Variants in DAAM1 observed in about 807,000 individuals in gnomAD.
DAAM1 encodes the protein dishevelled associated activator of morphogenesis 1, also known as disheveled-associated activator of morphogenesis 1.
A neutral mutation model predicts 130.0 loss-of-function variants in DAAM1; 52 were observed. The observed-to-expected ratio is 0.40, with a 90% confidence interval of 0.32 to 0.50. The LOEUF is 0.50. Among genes scored for constraint, DAAM1 ranks in the 20% least tolerant of loss-of-function variants. The pLI is 0.61. For synonymous variants in DAAM1, 452 were observed against 444.5 expected (o/e 1.02, Z -0.21); for missense variants, 1,134 against 1,303.8 (o/e 0.87, Z 2.01).
intron 3 of DAAM1, among the ~76,000 whole-genome samples, chr14:59,306,368 A>G (rs1435510560): frequency 6.6e-6 from 1 of 152,184 alleles, no homozygotes; most frequent in East Asian, 1.9e-4. Context: ...TATTTGTTAG[A>G]TGAGTAAAGG....
chr14:59,189,490 G>C (rs1460019550), intron 1 of DAAM1, among the ~76,000 whole-genome samples: 1 of 152,152 alleles, frequency 6.6e-6, no homozygotes, highest in East Asian at 1.9e-4. Context: ...TTTGCCGCCC[G>C]TCCCTCTCGG....
intron 3 of DAAM1, among the ~76,000 whole-genome samples, chr14:59,300,599 A>C (rs1002556110): frequency 2.0e-5 from 3 of 152,228 alleles, no homozygotes; most frequent in Non-Finnish European, 4.4e-5. Flanking sequence ...ACAGAATATA[A>C]TAAATACCCA....
At chr14:59,246,938 TATTA>T (rs1238281785) in intron 1 of DAAM1, among the ~76,000 whole-genome samples, 2 of 152,194 alleles carry the variant, frequency 1.3e-5, no homozygotes, top group African/African-American at 2.4e-5. Context: ...GGGTTCTGGA[TATTA>T]ATTCCTTAGC....
chr14:59,352,574 C>T lies in DAAM1; in HGVS notation c.2209C>T (p.His737Tyr), dbSNP rs1886328638. 1.2e-6 allele frequency: 2 copies of T among 1,613,604 alleles called. No individual in the cohort carries two copies. Among genetic ancestry groups the T allele is most frequent in the Non-Finnish European group, 1.7e-6 (2 of 1,179,804 alleles). ...EKSDIDLLEE[H>Y]KHELDRMAKA... ...AAGTGACATTGACCTATTGGAGGAA[C>T]ATAAACACGAACTGGATCGGATGGC... is the stretch of plus-strand genomic sequence containing the variant. The change falls in exon 18 of 25, where the codon CAT becomes TAT. Residue 737 changes from histidine to tyrosine, a missense_variant. This residue lies in a region of DAAM1 where 644 missense variants were observed against 695.9 expected (regional missense o/e 0.93). Transcript: ENST00000360909.
rs537573423 is a variant in DAAM1 at position 59,358,580 on chromosome 14, C to T, written c.2526-817C>T. Among the ~76,000 whole-genome samples the T allele has an allele frequency of 6.6e-4, 101 of 152,258 alleles. 4 individuals are homozygous for T. The South Asian group carries it at 0.021, about 31-fold the overall frequency. On this transcript the variant is annotated intron_variant, in intron 20 of 24. Coordinates refer to ENST00000360909, the MANE Select transcript of DAAM1 (RefSeq NM_001270520.2). ...TCAGTAGGCCAGACACGGTGGCTCACACCTATAATCCCAGCACTTTGGGAG... is the reference window on the plus strand; with the variant it reads ...TCAGTAGGCCAGACACGGTGGCTCATACCTATAATCCCAGCACTTTGGGAG...
At chr14:59,313,233 G>A (rs186598883) in intron 3 of DAAM1, among the ~76,000 whole-genome samples, 1 of 152,228 alleles carries the variant, frequency 6.6e-6, no homozygotes, top group Admixed American at 6.5e-5. Context: ...CTGCATGCAG[G>A]GACCAGTATT....
In DAAM1 at chr14:59,263,427, T is replaced by C. The variant is rs1882271242; in HGVS notation, c.-37-14T>C. The C allele has an allele frequency of 6.2e-7, 1 of 1,605,582 alleles. No individual in the cohort carries two copies. Among genetic ancestry groups the C allele is most frequent in the African/African-American group, 1.3e-5 (1 of 74,788 alleles). On this transcript the variant is annotated splice_polypyrimidine_tract_variant and intron_variant, in intron 1 of 24. Coordinates refer to ENST00000360909, the MANE Select transcript of DAAM1 (RefSeq NM_001270520.2). ...TTCCTGTACTCTTAACCATGTCATA[T>C]CCTCTTTTTGCAGCGTTTAGTCACA...
At chr14:59,211,703 A>G (rs769165667) in intron 1 of DAAM1, among the ~76,000 whole-genome samples, 4 of 152,210 alleles carry the variant, frequency 2.6e-5, no homozygotes, top group Admixed American at 1.3e-4. Flanking sequence ...CTCACATTCT[A>G]TGAATAAATA....
At chr14:59,285,991 A>G (rs779532604) in intron 2 of DAAM1, among the ~76,000 whole-genome samples, 2 of 152,162 alleles carry the variant, frequency 1.3e-5, no homozygotes, top group Non-Finnish European at 2.9e-5. Flanking sequence ...CTCACATGGC[A>G]CATACTCTAA....
chr14:59,263,462 A>G lies in DAAM1; in HGVS notation c.-16A>G. 1 of 1,614,106 alleles carries G rather than the reference A, an allele frequency of 6.2e-7. No individual in the cohort carries two copies. Among genetic ancestry groups the G allele is most frequent in the Non-Finnish European group, 8.5e-7 (1 of 1,179,924 alleles). ...GCAGCGTTTAGTCACATCAAGAAAT[A>G]GAACAGAATTCAGCCATGGCCCCAA... On this transcript the variant is annotated 5_prime_UTR_variant, in exon 2 of 25. It adds an upstream start codon to the 5' untranslated region. Transcript: ENST00000360909.
intron 2 of DAAM1, among the ~76,000 whole-genome samples, chr14:59,284,011 C>A (rs926956908): frequency 6.6e-6 from 1 of 152,188 alleles, no homozygotes; most frequent in African/African-American, 2.4e-5. Flanking sequence ...TGGGAACTTA[C>A]TGAAAATGCA....
Position 59,353,881 on chromosome 14 carries a change from A to G in DAAM1, c.2273A>G (p.Asn758Ser). 1 of 1,613,948 alleles carries G rather than the reference A, an allele frequency of 6.2e-7. No individual in the cohort carries two copies. ...GTACATGTTTGCTCTTACAGAATTA[A>G]TCACTATCAGCAAAGGTTGCAATCG... ...DRFLFEMSRINHYQQRLQSLY... is the reference protein window; with the variant it reads ...DRFLFEMSRISHYQQRLQSLY... The change falls in exon 19 of 25, where the codon AAT becomes AGT. Residue 758 changes from asparagine to serine, a missense_variant. This residue lies in a region of DAAM1 where 644 missense variants were observed against 695.9 expected (regional missense o/e 0.93). Coordinates refer to ENST00000360909, the MANE Select transcript of DAAM1 (RefSeq NM_001270520.2).
intron 1 of DAAM1, among the ~76,000 whole-genome samples, chr14:59,260,871 G>A (rs1882128487): frequency 6.6e-6 from 1 of 152,180 alleles, no homozygotes; most frequent in Non-Finnish European, 1.5e-5. Flanking sequence ...GAGCGAGAAG[G>A]AATGAGTAGT....
chr14:59,282,186 A>G (rs1268643421), intron 2 of DAAM1, among the ~76,000 whole-genome samples: 3 of 152,040 alleles, frequency 2.0e-5, no homozygotes, highest in Non-Finnish European at 1.5e-5. Context: ...TTCCCTCATA[A>G]TGGAATTTTC....
At chr14:59,207,854 G>GT (rs1198409763) in intron 1 of DAAM1, among the ~76,000 whole-genome samples, 2 of 152,100 alleles carry the variant, frequency 1.3e-5, no homozygotes, top group East Asian at 1.9e-4. Context: ...TAAATCTTGG[G>GT]TTTTTTCCTG....
intron 24 of DAAM1, 35 bp downstream of exon 24, chr14:59,367,634 T>C (rs769069118): frequency 1.9e-6 from 3 of 1,597,116 alleles, no homozygotes; most frequent in South Asian, 2.3e-5. Context: ...TTCCACCTCC[T>C]AGAAGTTCTA....
chr14:59,348,585 A>G (rs1460444341), intron 17 of DAAM1, among the ~76,000 whole-genome samples: 2 of 152,142 alleles, frequency 1.3e-5, no homozygotes, highest in Non-Finnish European at 1.5e-5. Context: ...AGCCAGGTCT[A>G]CCTAAGGTCA....
At chr14:59,307,068 C>CTAGT (rs1884406259) in intron 3 of DAAM1, among the ~76,000 whole-genome samples, 1 of 152,170 alleles carries the variant, frequency 6.6e-6, no homozygotes, top group Non-Finnish European at 1.5e-5. Flanking sequence ...CCAGGAAGTA[C>CTAGT]TAGTCATGCA....
chr14:59,279,168 C>T (rs1328106618), intron 2 of DAAM1, among the ~76,000 whole-genome samples: 1 of 152,108 alleles, frequency 6.6e-6, no homozygotes, highest in Non-Finnish European at 1.5e-5. Flanking sequence ...TAGTTTATAA[C>T]ACTTCCAGCA....
Sources: allele counts gnomAD v4.1 joint callset (sites outside exome capture counted in the v4.1 genomes callset), GRCh38; gene constraint gnomAD v4.1.1; regional missense constraint gnomAD v4.1.1; transcripts MANE v1.5; gene names NCBI Gene and HGNC (gene_info 2026-07-23, HGNC 2026-07-21).